SEMA3D: variants seen among roughly 807,000 people sequenced by gnomAD.
SEMA3D encodes semaphorin-3D.
A neutral mutation model predicts 100.1 loss-of-function variants in SEMA3D; 84 were observed. That is an observed-to-expected ratio of 0.84 (90% CI 0.70 to 1.01). SEMA3D has a LOEUF of 1.01. Ranked by LOEUF, SEMA3D falls within the 50% of genes least tolerant of loss-of-function variation. The pLI, the probability that SEMA3D is intolerant of heterozygous loss-of-function variation, is 0.00. For missense variants in SEMA3D, 875 were observed against 934.1 expected (o/e 0.94, Z 0.82); for synonymous variants, 312 against 320.7 (o/e 0.97, Z 0.29).
intron 8 of SEMA3D, among the ~76,000 whole-genome samples, chr7:85,063,575 T>C (rs1345852521): frequency 6.6e-6 from 1 of 152,186 alleles, no homozygotes; most frequent in African/African-American, 2.4e-5. Flanking sequence ...AAACAGTATA[T>C]TCTCTCTCAA....
Position 85,040,687 on chromosome 7 carries a change from G to A in SEMA3D, c.1032C>T (p.Val344=). 2 of 1,466,596 alleles carry A rather than the reference G, an allele frequency of 1.4e-6. No individual in the cohort carries two copies. The highest frequency in any genetic ancestry group is 1.9e-6 in the Non-Finnish European group (2 of 1,048,272). The allele number at this position is 1,466,596 out of a possible 1,614,324, so 90.8% of individuals were successfully genotyped here. ...RDERNPVVYG[V]FTTTSSIFKG... The stretch of plus-strand genomic sequence containing the variant: ...GTTGAACATACCTGGTTGTAGTAAA[G>A]ACTCCATATACTACAGGATTTCTTT... Residue 344 remains valine (V), a synonymous_variant, in exon 11 of 19, where the codon GTC becomes GTT. Transcript: ENST00000284136.
chr7:85,196,797 A>G, the SEMA3D span, among the ~76,000 whole-genome samples: 1 of 152,198 alleles, frequency 6.6e-6, no homozygotes. Context: ...TGATTCTACT[A>G]CATTCCCACA....
At position 85,153,736 on chromosome 7, in the gene SEMA3D, A is replaced by G. The variant is rs1003629922; in HGVS notation, c.-169T>C. 2 of 152,180 alleles carry G rather than the reference A, an allele frequency of 1.3e-5. No homozygotes were observed. The highest frequency in any genetic ancestry group is 1.3e-4 in the Admixed American group (2 of 15,240). 9.4% of individuals were successfully genotyped at this position (152,180 alleles called of 1,614,324 possible). ...TGTTACAGTTCTAGTCCAAGTGTAA[A>G]GACCTGAAAAACAGGAGAGATAATA... On this transcript the variant is annotated 5_prime_UTR_variant, in exon 2 of 19. Transcript: ENST00000284136.
At chr7:85,234,208 G>T in the SEMA3D span, among the ~76,000 whole-genome samples, 4 of 152,114 alleles carry the variant, frequency 2.6e-5, no homozygotes, top group Admixed American at 6.5e-5. Context: ...CCCCAGAAAG[G>T]CCACCTGCCA....
At chr7:85,230,698 T>C in the SEMA3D span, among the ~76,000 whole-genome samples, 1 of 152,240 alleles carries the variant, frequency 6.6e-6, no homozygotes, top group African/African-American at 2.4e-5. Flanking sequence ...TCTTTAGATC[T>C]CCTCTCTTAC....
At chr7:85,119,406 C>T (rs1789342467) in intron 3 of SEMA3D, among the ~76,000 whole-genome samples, 1 of 152,114 alleles carries the variant, frequency 6.6e-6, no homozygotes, top group Non-Finnish European at 1.5e-5. Flanking sequence ...AAATGTGGTA[C>T]ATACATACCC....
intron 1 of SEMA3D, among the ~76,000 whole-genome samples, chr7:85,163,643 A>C (rs1583981419): frequency 6.6e-6 from 1 of 152,130 alleles, no homozygotes; most frequent in South Asian, 2.1e-4. Context: ...ACAATTTACT[A>C]TGAAAAATGT....
chr7:85,105,857 G>A (rs545847430), intron 3 of SEMA3D, among the ~76,000 whole-genome samples: 1 of 152,150 alleles, frequency 6.6e-6, no homozygotes, highest in African/African-American at 2.4e-5. Flanking sequence ...TGGGGTCTGT[G>A]TTCTTGCCAA....
At chr7:85,105,335 T>C (rs563655668) in intron 3 of SEMA3D, among the ~76,000 whole-genome samples, 88 of 152,054 alleles carry the variant, frequency 5.8e-4, no homozygotes, top group Non-Finnish European at 3.7e-4. Flanking sequence ...AGGCAAGGCA[T>C]GGATTCTCTC....
chr7:85,057,795 G>C (rs1427091146), intron 8 of SEMA3D, among the ~76,000 whole-genome samples: 1 of 152,150 alleles, frequency 6.6e-6, no homozygotes, highest in African/African-American at 2.4e-5. Flanking sequence ...GCCGGGCATG[G>C]TGGTGCACAT....
the SEMA3D span, among the ~76,000 whole-genome samples, chr7:85,219,341 C>T: frequency 2.0e-5 from 3 of 152,074 alleles, no homozygotes; most frequent in Non-Finnish European, 4.4e-5. Context: ...CTGCCAGTGC[C>T]CTTAATGTAT....
chr7:85,180,545 AT>A (rs1273910967), intron 1 of SEMA3D, among the ~76,000 whole-genome samples: 1 of 152,198 alleles, frequency 6.6e-6, no homozygotes, highest in African/African-American at 2.4e-5. Context: ...GATAGACTTC[AT>A]TTTTTTGAAT....
intron 8 of SEMA3D, among the ~76,000 whole-genome samples, chr7:85,060,314 T>G (rs1166227597): frequency 6.6e-6 from 1 of 152,182 alleles, no homozygotes; most frequent in East Asian, 1.9e-4. Flanking sequence ...TAAATACAAG[T>G]TGCAAGCACA....
At chr7:85,106,501 A>C (rs1048107485) in intron 3 of SEMA3D, among the ~76,000 whole-genome samples, 10 of 152,112 alleles carry the variant, frequency 6.6e-5, no homozygotes, top group African/African-American at 2.2e-4. Flanking sequence ...AAAACAGATA[A>C]CATTATTTTA....
At chr7:85,224,716 A>G in the SEMA3D span, among the ~76,000 whole-genome samples, 737 of 152,184 alleles carry the variant, frequency 4.8e-3, 8 homozygotes, top group African/African-American at 0.017. Flanking sequence ...TCCTGTAATT[A>G]TCTTTCACCC....
At chr7:85,225,050 TTATATATATATATATATATATA>T in the SEMA3D span, among the ~76,000 whole-genome samples, 464 of 77,382 alleles carry the variant, frequency 6.0e-3, 5 homozygotes, top group East Asian at 0.026. Context: ...TGATTTTCTT[TTATATATATATATATATATATA>T]TATATATATA....
chr7:85,054,596 G>A (rs1283526005), intron 9 of SEMA3D, among the ~76,000 whole-genome samples: 4 of 152,090 alleles, frequency 2.6e-5, no homozygotes, highest in African/African-American at 9.7e-5. Flanking sequence ...CTCACAAGTT[G>A]GCCTCATTCA....
intron 3 of SEMA3D, among the ~76,000 whole-genome samples, chr7:85,117,700 G>A (rs1789282539): frequency 6.6e-6 from 1 of 152,024 alleles, no homozygotes; most frequent in Non-Finnish European, 1.5e-5. Flanking sequence ...TTGAGCTTAG[G>A]AGGCCGAGGC....
At chr7:85,100,905 A>G (rs1250237931) in intron 3 of SEMA3D, among the ~76,000 whole-genome samples, 2 of 151,948 alleles carry the variant, frequency 1.3e-5, no homozygotes, top group Non-Finnish European at 2.9e-5. Context: ...TAAATGTCTT[A>G]CTAACATTTA....
Sources: gnomAD v4.1 joint callset for allele counts (sites outside exome capture counted in the v4.1 genomes callset) on GRCh38, gnomAD v4.1.1 for gene constraint, MANE v1.5 for transcripts, NCBI Gene and HGNC (gene_info 2026-07-23, HGNC 2026-07-21) for gene names.